FSIP1: variants seen among roughly 807,000 people sequenced by gnomAD.
FSIP1 encodes fibrous sheath-interacting protein 1.
Under a neutral mutation model 60.9 loss-of-function variants are expected in FSIP1, and 65 were observed. The ratio of observed to expected loss-of-function variants is 1.07; its 90% CI spans 0.87 to 1.31. The LOEUF (loss-of-function observed/expected upper bound fraction) is 1.31. Ranked by LOEUF, FSIP1 falls within the 40% of genes most tolerant of loss-of-function variation. FSIP1 has a pLI of 0.00. For missense variants in FSIP1, 675 were observed against 665.5 expected (o/e 1.01, Z -0.16); for synonymous variants, 209 against 221.2 (o/e 0.94, Z 0.49).
chr15:39,620,615 G>A (rs1891404265), intron 10 of FSIP1, among the ~76,000 whole-genome samples: 1 of 150,062 alleles, frequency 6.7e-6, no homozygotes, highest in Non-Finnish European at 1.5e-5. Flanking sequence ...TTTTTGACAT[G>A]GAGTCTTGCT....
At chr15:39,746,740 T>C (rs1897007023) in intron 5 of FSIP1, among the ~76,000 whole-genome samples, 1 of 152,038 alleles carries the variant, frequency 6.6e-6, no homozygotes, top group South Asian at 2.1e-4. Context: ...TATCAAAATA[T>C]ATGACATTTG....
At chr15:39,776,584 T>C in intron 1 of FSIP1, 53 bp from the exon 2 acceptor site, 1 of 1,445,204 alleles carries the variant, frequency 6.9e-7, no homozygotes, top group Non-Finnish European at 9.5e-7. Context: ...ATTTAAATCT[T>C]TCATTAGTTA....
intron 11 of FSIP1, among the ~76,000 whole-genome samples, chr15:39,612,343 A>C (rs1270936711): frequency 6.6e-6 from 1 of 152,202 alleles, no homozygotes; most frequent in Non-Finnish European, 1.5e-5. Context: ...CTATAACAAG[A>C]AATCTTGGTG....
intron 10 of FSIP1, among the ~76,000 whole-genome samples, chr15:39,696,277 C>T (rs1894809756): frequency 6.6e-6 from 1 of 151,986 alleles, no homozygotes; most frequent in Non-Finnish European, 1.5e-5. Context: ...ATAAAGACAG[C>T]TTTCCAATAC....
chr15:39,653,752 T>G (rs554789733), intron 10 of FSIP1, among the ~76,000 whole-genome samples: 3 of 152,336 alleles, frequency 2.0e-5, no homozygotes, highest in Admixed American at 2.0e-4. Flanking sequence ...CTTTGCTTGC[T>G]GCCATCCACG....
chr15:39,702,135 C>T (rs1185220202), intron 10 of FSIP1, among the ~76,000 whole-genome samples: 1 of 152,008 alleles, frequency 6.6e-6, no homozygotes, highest in Non-Finnish European at 1.5e-5. Context: ...CCCCACCATG[C>T]CCTCTCCAGA....
chr15:39,646,197 C>A lies in FSIP1; in HGVS notation c.1189-27952G>T, dbSNP rs150029707. On this transcript the variant is annotated intron_variant, in intron 10 of 11. Coordinates refer to ENST00000350221, the MANE Select transcript of FSIP1 (RefSeq NM_152597.5). Reference sequence around the variant, plus strand: ...GAAGACCAGCTGCAGAGAGGAGTACCCTCACTGCTGAGAGCTGCAGAGATG... The same window carrying A: ...GAAGACCAGCTGCAGAGAGGAGTACACTCACTGCTGAGAGCTGCAGAGATG... Among the ~76,000 whole-genome samples the A allele has an allele frequency of 6.3e-3, 955 of 152,138 alleles. 10 individuals carry two copies. Among genetic ancestry groups the A allele is most frequent in the African/African-American group, 0.022 (899 of 41,492 alleles).
intron 10 of FSIP1, among the ~76,000 whole-genome samples, chr15:39,665,584 A>C (rs919984812): frequency 3.9e-5 from 6 of 152,210 alleles, no homozygotes. Flanking sequence ...TCACAGACTA[A>C]GGCAGTGGCA....
At chr15:39,681,011 A>G (rs1486130350) in intron 10 of FSIP1, among the ~76,000 whole-genome samples, 1 of 152,168 alleles carries the variant, frequency 6.6e-6, no homozygotes, top group Non-Finnish European at 1.5e-5. Flanking sequence ...CACATACACA[A>G]TAAATTCCAT....
intron 10 of FSIP1, among the ~76,000 whole-genome samples, chr15:39,688,735 C>T (rs1054256938): frequency 1.8e-4 from 28 of 152,148 alleles, no homozygotes; most frequent in African/African-American, 5.3e-4. Flanking sequence ...TACATACAGG[C>T]CTATGCCCTC....
intron 10 of FSIP1, among the ~76,000 whole-genome samples, chr15:39,658,852 A>C (rs1440846822): frequency 6.6e-6 from 1 of 152,268 alleles, no homozygotes; most frequent in Non-Finnish European, 1.5e-5. Context: ...CATGAAAATT[A>C]GTATACCAAT....
intron 10 of FSIP1, among the ~76,000 whole-genome samples, chr15:39,629,003 C>T (rs1891765178): frequency 6.6e-6 from 1 of 152,202 alleles, no homozygotes; most frequent in South Asian, 2.1e-4. Context: ...TCTCAGCTTC[C>T]GTCTGGAAGC....
intron 5 of FSIP1, among the ~76,000 whole-genome samples, chr15:39,742,798 A>G (rs1447243320): frequency 6.6e-6 from 1 of 152,186 alleles, no homozygotes; most frequent in Admixed American, 6.5e-5. Context: ...ATCAATTCCA[A>G]TTCCCTAATT....
intron 10 of FSIP1, among the ~76,000 whole-genome samples, chr15:39,693,971 T>C (rs188145164): frequency 4.7e-4 from 72 of 152,318 alleles, no homozygotes; most frequent in Middle Eastern, 3.4e-3. Context: ...GGTGAAGTGA[T>C]GGATATATAT....
chr15:39,742,583 T>G (rs1028935634), intron 5 of FSIP1, among the ~76,000 whole-genome samples: 1 of 152,160 alleles, frequency 6.6e-6, no homozygotes, highest in Non-Finnish European at 1.5e-5. Flanking sequence ...ATCTGCCAGG[T>G]TGCAGCACAG....
chr15:39,710,264 C>T (rs62004767), intron 10 of FSIP1, among the ~76,000 whole-genome samples: 1 of 151,990 alleles, frequency 6.6e-6, no homozygotes, highest in African/African-American at 2.4e-5. Context: ...GGACAGATTG[C>T]TTGAGCCCAG....
intron 10 of FSIP1, among the ~76,000 whole-genome samples, chr15:39,634,750 T>C (rs1395178467): frequency 1.3e-5 from 2 of 152,224 alleles, no homozygotes; most frequent in African/African-American, 4.8e-5. Context: ...TGGTGAGGCA[T>C]AGAGAATGAA....
downstream of FSIP1, chr15:39,599,316 C>G (rs1442091059): frequency 1.3e-5 from 2 of 152,292 alleles, no homozygotes; most frequent in Non-Finnish European, 2.9e-5. Flanking sequence ...ATGGTCCCAC[C>G]TCTTTTATGG....
intron 10 of FSIP1, among the ~76,000 whole-genome samples, chr15:39,655,130 T>A (rs890594149): frequency 2.6e-5 from 4 of 152,230 alleles, no homozygotes; most frequent in Non-Finnish European, 5.9e-5. Flanking sequence ...TCTTTTGTGT[T>A]CCCTCAAACT....
Sources: gnomAD v4.1 joint callset for allele counts (sites outside exome capture counted in the v4.1 genomes callset) on GRCh38, gnomAD v4.1.1 for gene constraint, MANE v1.5 for transcripts, NCBI Gene and HGNC (gene_info 2026-07-23, HGNC 2026-07-21) for gene names.